The following PPP1R12A variants were observed in gnomAD, a reference collection of about 807,000 sequenced individuals.
PPP1R12A encodes myosin binding subunit.
In PPP1R12A, 19 loss-of-function variants were observed where a neutral mutation model predicts 139.6. The observed-to-expected ratio is 0.14, with a 90% CI of 0.09 to 0.20. The LOEUF is 0.20. Ranked by LOEUF, PPP1R12A falls within the 10% of genes least tolerant of loss-of-function variation. PPP1R12A has a pLI of 1.00. For missense variants in PPP1R12A, 925 were observed against 1,211.5 expected (o/e 0.76, Z 3.51); for synonymous variants, 427 against 420.6 (o/e 1.02, Z -0.19).
intron 1 of PPP1R12A, among the ~76,000 whole-genome samples, chr12:79,897,009 C>T (rs978704374): frequency 5.9e-5 from 9 of 152,140 alleles, no homozygotes; most frequent in African/African-American, 9.7e-5. Context: ...TTCCCAAGAA[C>T]GATCCAGCAA....
intron 14 of PPP1R12A, among the ~76,000 whole-genome samples, chr12:79,799,213 A>C (rs902619620): frequency 6.6e-6 from 1 of 151,952 alleles, no homozygotes; most frequent in Non-Finnish European, 1.5e-5. Context: ...CAGTGGCGCG[A>C]TCTCAGCTCA....
intron 3 of PPP1R12A, among the ~76,000 whole-genome samples, chr12:79,841,052 A>T (rs1179495117): frequency 7.2e-5 from 9 of 125,534 alleles, no homozygotes; most frequent in South Asian, 2.4e-4. Context: ...CTTTTTATTT[A>T]AAAAAAAAAA....
intron 9 of PPP1R12A, among the ~76,000 whole-genome samples, chr12:79,811,932 A>ATAACATTTATTGTTATAAATGAAGC (rs1449094852): frequency 1.3e-5 from 2 of 152,344 alleles, no homozygotes; most frequent in Admixed American, 6.5e-5. Flanking sequence ...AGTCAGTCAG[A>ATAACATTTATTGTTATAAATGAAGC]TAACATTTAT....
intron 2 of PPP1R12A, among the ~76,000 whole-genome samples, chr12:79,849,401 AAAAAG>A (rs1343738383): frequency 1.3e-5 from 2 of 152,274 alleles, no homozygotes; most frequent in Admixed American, 1.3e-4. Context: ...GGGGGAAAAA[AAAAAG>A]AAAGAAAGCA....
intron 9 of PPP1R12A, among the ~76,000 whole-genome samples, chr12:79,816,970 G>C (rs1233495639): frequency 6.6e-6 from 1 of 151,918 alleles, no homozygotes; most frequent in African/African-American, 2.4e-5. Flanking sequence ...ACTTGTGGTA[G>C]TAGTATTTGT....
intron 4 of PPP1R12A, among the ~76,000 whole-genome samples, chr12:79,829,314 T>C (rs777170134): frequency 3.9e-5 from 6 of 152,126 alleles, no homozygotes; most frequent in African/African-American, 9.6e-5. Flanking sequence ...TTCCAAGATG[T>C]TGAGCTTGAG....
chr12:79,807,756 T>C (rs979182536), intron 11 of PPP1R12A, among the ~76,000 whole-genome samples: 2 of 152,016 alleles, frequency 1.3e-5, no homozygotes, highest in Non-Finnish European at 2.9e-5. Context: ...TAAAAAGTTA[T>C]TGGCCGGGTG....
chr12:79,897,936 G>C (rs960136827), intron 1 of PPP1R12A, among the ~76,000 whole-genome samples: 5 of 152,170 alleles, frequency 3.3e-5, no homozygotes, highest in African/African-American at 1.2e-4. Context: ...CTCCCACACA[G>C]ATGCTGTCAA....
At chr12:79,929,958 G>A (rs1888126092) in intron 1 of PPP1R12A, among the ~76,000 whole-genome samples, 1 of 152,096 alleles carries the variant, frequency 6.6e-6, no homozygotes, top group Non-Finnish European at 1.5e-5. Context: ...TCCTATTGAT[G>A]AGGTAAAAAG....
Position 79,796,955 on chromosome 12 carries a change from G to A in PPP1R12A, c.2293-5C>T. The stretch of plus-strand genomic sequence containing the variant: ...TGGCCTATAACGCTGGTAAGTCTGT[G>A]AAACATTAAGATCAAAACCCATTTG... On this transcript the variant is annotated splice_polypyrimidine_tract_variant and splice_region_variant and intron_variant, in intron 16 of 24. Transcript: ENST00000450142. 2.5e-6 allele frequency: 4 copies of A among 1,594,204 alleles called. No individual in the cohort carries two copies. The highest frequency in any genetic ancestry group is 2.2e-5 in the East Asian group (1 of 44,670).
intron 20 of PPP1R12A, among the ~76,000 whole-genome samples, 152 bp from the exon 21 acceptor site, chr12:79,788,935 G>T (rs1392502938): frequency 6.6e-6 from 1 of 152,220 alleles, no homozygotes; most frequent in East Asian, 1.9e-4. Context: ...TATAATAAGT[G>T]GGAAGTTATT....
intron 1 of PPP1R12A, among the ~76,000 whole-genome samples, chr12:79,883,983 A>T (rs568342176): frequency 6.6e-6 from 1 of 152,326 alleles, no homozygotes; most frequent in South Asian, 2.1e-4. Context: ...AGAACTAAGA[A>T]GGAATGGTGG....
At chr12:79,794,750 T>C (rs2137020358) in intron 18 of PPP1R12A, among the ~76,000 whole-genome samples, 1 of 89,760 alleles carries the variant, frequency 1.1e-5, no homozygotes, top group Admixed American at 1.2e-4. Context: ...TGATTCCATG[T>C]TCTTTCAGTG....
At chr12:79,877,129 G>A (rs1039977905) in intron 1 of PPP1R12A, among the ~76,000 whole-genome samples, 5 of 152,052 alleles carry the variant, frequency 3.3e-5, no homozygotes, top group Non-Finnish European at 5.9e-5. Context: ...TTTGGACGTT[G>A]GTGTCTTTAT....
intron 1 of PPP1R12A, among the ~76,000 whole-genome samples, chr12:79,925,922 CTTTCT>C (rs1393812103): frequency 6.6e-6 from 1 of 151,892 alleles, no homozygotes; most frequent in African/African-American, 2.4e-5. Flanking sequence ...TTTTCTTTTT[CTTTCT>C]TTTCTTTTCT....
intron 23 of PPP1R12A, chr12:79,780,126 C>CCCAGG (rs1870244518): frequency 6.6e-6 from 1 of 152,022 alleles, no homozygotes; most frequent in South Asian, 2.1e-4. Context: ...ATTGCTTGAA[C>CCCAGG]CCAGGAACTG....
At chr12:79,821,017 C>CT (rs1876033269) in intron 7 of PPP1R12A, 61 bp downstream of exon 7, 1 of 1,589,430 alleles carries the variant, frequency 6.3e-7, no homozygotes, top group African/African-American at 1.3e-5. Flanking sequence ...ATAATCATGC[C>CT]TGTGGCCACT....
chr12:79,844,204 A>G (rs1879122607), intron 3 of PPP1R12A, among the ~76,000 whole-genome samples: 1 of 152,124 alleles, frequency 6.6e-6, no homozygotes, highest in Non-Finnish European at 1.5e-5. Flanking sequence ...CCCGTTAGCA[A>G]TCACTGTTAT....
chr12:79,849,671 T>C (rs969881057), intron 2 of PPP1R12A, among the ~76,000 whole-genome samples: 2 of 152,216 alleles, frequency 1.3e-5, no homozygotes, highest in Non-Finnish European at 2.9e-5. Flanking sequence ...GAAAGTTAGA[T>C]GACTGGGCTA....
Sources: gnomAD v4.1 joint callset for allele counts (sites outside exome capture counted in the v4.1 genomes callset) on GRCh38, gnomAD v4.1.1 for gene constraint, MANE v1.5 for transcripts, NCBI Gene and HGNC (gene_info 2026-07-23, HGNC 2026-07-21) for gene names.